The following PTPRD variants were observed in gnomAD, a reference collection of about 807,000 sequenced individuals.
PTPRD encodes receptor-type tyrosine-protein phosphatase delta.
A neutral mutation model predicts 214.5 loss-of-function variants in PTPRD; 34 were observed. That is an observed-to-expected ratio of 0.16 (90% CI 0.12 to 0.21). PTPRD has a LOEUF of 0.21. Ranked by LOEUF, PTPRD falls within the 10% of genes least tolerant of loss-of-function variation. PTPRD has a pLI of 1.00. For synonymous variants in PTPRD, 1,128 were observed against 845.7 expected, an observed-to-expected ratio of 1.33 and a Z score of -5.79; for missense variants, 2,545 against 2,398.7, an observed-to-expected ratio of 1.06 and a Z score of -1.27.
At chr9:9,935,647 C>A (rs1252644010) in intron 5 of PTPRD, among the ~76,000 whole-genome samples, 2 of 148,374 alleles carry the variant, frequency 1.3e-5, no homozygotes, top group Admixed American at 1.3e-4. Flanking sequence ...AATGGCCATA[C>A]TGCCCAAGGT....
chr9:8,601,254 G>C (rs2094842067), intron 14 of PTPRD, among the ~76,000 whole-genome samples: 1 of 152,188 alleles, frequency 6.6e-6, no homozygotes, highest in African/African-American at 2.4e-5. Flanking sequence ...GACTTCTAAA[G>C]TTTTTGACTC....
chr9:10,035,611 A>C (rs117583572), intron 3 of PTPRD, among the ~76,000 whole-genome samples: 2,752 of 151,788 alleles, frequency 0.018, 36 homozygotes, highest in Middle Eastern at 0.031. Context: ...TTACTTCCCT[A>C]TCTAGGTTGA....
At chr9:8,841,740 G>A (rs977087249) in intron 11 of PTPRD, among the ~76,000 whole-genome samples, 1 of 151,226 alleles carries the variant, frequency 6.6e-6, no homozygotes, top group East Asian at 1.9e-4. Context: ...AGCCTGGCAC[G>A]GTGGCTCACT....
rs199954843 is a variant in PTPRD at position 9,716,236 on chromosome 9, T to C, written c.-287+18297A>G. 1.3e-3 allele frequency among the ~76,000 whole-genome samples: 193 copies of C among 152,214 alleles called. 6 individuals carry two copies. The East Asian group carries it at 0.035, about 28-fold the overall frequency. ...CCATGGTGTATATGTGCCACATTTT[T>C]TTAATTCAGTCTATCATTGTTGGAC... On this transcript the variant is annotated intron_variant, in intron 7 of 45. Coordinates refer to ENST00000381196, the MANE Select transcript of PTPRD (RefSeq NM_002839.4).
rs1003984482 is a variant in PTPRD at position 9,456,954 on chromosome 9, C to T, written c.-236-59472G>A. Among the ~76,000 whole-genome samples the T allele has an allele frequency of 2.6e-5, 4 of 151,788 alleles. No homozygotes were observed. The South Asian group carries it at 8.3e-4, about 31-fold the overall frequency. ...AAGAGTAGTGATAAATAAGACACCA[C>T]AATATCACAGAACTACTGTAACAGG... is the stretch of plus-strand genomic sequence containing the variant. On this transcript the variant is annotated intron_variant, in intron 8 of 45. Transcript: ENST00000381196.
intron 3 of PTPRD, among the ~76,000 whole-genome samples, chr9:10,136,308 C>G (rs907186011): frequency 6.6e-6 from 1 of 151,998 alleles, no homozygotes; most frequent in Non-Finnish European, 1.5e-5. Context: ...GTTCCACTAA[C>G]AGTGCTAGAT....
chr9:9,291,522 C>T (rs889304382), intron 9 of PTPRD, among the ~76,000 whole-genome samples: 2 of 151,250 alleles, frequency 1.3e-5, no homozygotes, highest in South Asian at 2.1e-4. Flanking sequence ...TAACATAAAA[C>T]GGGATTTCCC....
intron 2 of PTPRD, among the ~76,000 whole-genome samples, chr9:10,602,450 C>A (rs182593371): frequency 1.3e-5 from 2 of 151,818 alleles, no homozygotes; most frequent in African/African-American, 4.8e-5. Context: ...ATGGAGATAA[C>A]AGTTTCACTT....
intron 39 of PTPRD, among the ~76,000 whole-genome samples, chr9:8,362,262 G>C (rs2078693610): frequency 6.6e-6 from 1 of 152,140 alleles, no homozygotes. Flanking sequence ...ACTAAATTCT[G>C]GAAGAGGTTT....
chr9:8,858,659 G>A (rs1430462064), intron 11 of PTPRD, among the ~76,000 whole-genome samples: 1 of 146,076 alleles, frequency 6.8e-6, no homozygotes, highest in Non-Finnish European at 1.5e-5. Flanking sequence ...GAGTGTGAGT[G>A]TGGGTGCGCC....
chr9:10,062,461 C>G (rs920673026), intron 3 of PTPRD, among the ~76,000 whole-genome samples: 1 of 151,960 alleles, frequency 6.6e-6, no homozygotes, highest in African/African-American at 2.4e-5. Context: ...CAAAAAATAG[C>G]TGGGCGTGGT....
intron 11 of PTPRD, among the ~76,000 whole-genome samples, chr9:8,957,343 A>C (rs915366990): frequency 3.3e-5 from 5 of 151,818 alleles, no homozygotes; most frequent in African/African-American, 1.2e-4. Flanking sequence ...CCAAGTTGAG[A>C]ATGCTTTATT....
chr9:8,320,570 G>A (rs997726555), intron 44 of PTPRD, among the ~76,000 whole-genome samples: 8 of 151,956 alleles, frequency 5.3e-5, no homozygotes, highest in African/African-American at 1.2e-4. Context: ...GTAAGTGTAC[G>A]TACACATGAA....
chr9:8,872,309 A>T (rs2098314692), intron 11 of PTPRD, among the ~76,000 whole-genome samples: 1 of 152,152 alleles, frequency 6.6e-6, no homozygotes, highest in Non-Finnish European at 1.5e-5. Flanking sequence ...TTTACTCTGG[A>T]GCAACTGTGT....
chr9:9,253,599 A>G (rs1370695113), intron 9 of PTPRD, among the ~76,000 whole-genome samples: 1 of 152,020 alleles, frequency 6.6e-6, no homozygotes, highest in East Asian at 1.9e-4. Context: ...GATGTTTTAA[A>G]TTTCACTTGG....
At chr9:10,509,867 C>T (rs1359568141) in intron 2 of PTPRD, among the ~76,000 whole-genome samples, 1 of 151,534 alleles carries the variant, frequency 6.6e-6, no homozygotes, top group Non-Finnish European at 1.5e-5. Context: ...TATATTTATT[C>T]CTCTATTTAT....
intron 9 of PTPRD, among the ~76,000 whole-genome samples, chr9:9,207,280 A>T (rs34678133): frequency 0.058 from 8,888 of 152,236 alleles, 681 homozygotes; most frequent in African/African-American, 0.18. Context: ...TTAATAGACA[A>T]CCGCATGGAG....
At chr9:9,335,451 G>T (rs1318071677) in intron 9 of PTPRD, among the ~76,000 whole-genome samples, 5 of 151,860 alleles carry the variant, frequency 3.3e-5, no homozygotes, top group Non-Finnish European at 7.4e-5. Flanking sequence ...GTTTTTAACG[G>T]GTAGTGTACA....
chr9:10,458,033 A>G (rs567367666), intron 2 of PTPRD, among the ~76,000 whole-genome samples: 4 of 152,190 alleles, frequency 2.6e-5, no homozygotes, highest in Middle Eastern at 6.8e-3. Context: ...ACAGACCAAT[A>G]ACAATAAAAG....
Sources: allele counts gnomAD v4.1 joint callset (sites outside exome capture counted in the v4.1 genomes callset), GRCh38; gene constraint gnomAD v4.1.1; transcripts MANE v1.5; gene names NCBI Gene and HGNC (gene_info 2026-07-23, HGNC 2026-07-21).